CADM2: variants seen among roughly 807,000 people sequenced by gnomAD.
The protein encoded by CADM2 is immunoglobulin superfamily member 4D.
In CADM2, 12 loss-of-function variants were observed where a neutral mutation model predicts 49.8. That is an observed-to-expected ratio of 0.24 (90% CI 0.15 to 0.39). The LOEUF is 0.39. CADM2 is among the 10% of genes least tolerant of loss of function. The pLI is 1.00. For synonymous variants in CADM2, 214 were observed against 175.4 expected, an observed-to-expected ratio of 1.22 and a Z score of -1.74; for missense variants, 378 against 492.3, an observed-to-expected ratio of 0.77 and a Z score of 2.20.
chr3:86,030,573 T>A (rs1328503420), intron 8 of CADM2, among the ~76,000 whole-genome samples: 1 of 151,970 alleles, frequency 6.6e-6, no homozygotes, highest in Non-Finnish European at 1.5e-5. Context: ...GGTTTACTGA[T>A]TTTCAGATTT....
chr3:85,674,137 T>G (rs2065824629), intron 1 of CADM2, among the ~76,000 whole-genome samples: 1 of 152,048 alleles, frequency 6.6e-6, no homozygotes, highest in Admixed American at 6.6e-5. Flanking sequence ...TTTTAGTAGG[T>G]CTGACAGATA....
intron 1 of CADM2, among the ~76,000 whole-genome samples, chr3:85,657,763 T>TATATATATAGATACAG (rs2065256066): frequency 8.2e-6 from 1 of 122,240 alleles, no homozygotes; most frequent in Non-Finnish European, 1.8e-5. Flanking sequence ...TATACACAGA[T>TATATATATAGATACAG]ATATATATAT....
At chr3:85,061,788 A>G (rs1290730420) in intron 1 of CADM2, among the ~76,000 whole-genome samples, 2 of 152,130 alleles carry the variant, frequency 1.3e-5, no homozygotes, top group African/African-American at 4.8e-5. Flanking sequence ...CGGTATTGCA[A>G]TGTAGTCGAT....
At chr3:85,258,210 T>A (rs1040649316) in intron 1 of CADM2, among the ~76,000 whole-genome samples, 5 of 152,094 alleles carry the variant, frequency 3.3e-5, no homozygotes, top group African/African-American at 1.2e-4. Context: ...TGTCCCTGCA[T>A]AGAAAGTGTT....
At chr3:85,813,439 G>A in intron 3 of CADM2, among the ~76,000 whole-genome samples, 1 of 151,940 alleles carries the variant, frequency 6.6e-6, no homozygotes, top group Admixed American at 6.6e-5. Context: ...TTTAGATTCT[G>A]GATATTAGCC....
intron 2 of CADM2, among the ~76,000 whole-genome samples, chr3:85,801,463 T>C (rs2072031446): frequency 2.6e-5 from 4 of 152,276 alleles, no homozygotes; most frequent in Middle Eastern, 3.5e-3. Context: ...CTACACTTTT[T>C]AAAGAGTACT....
intron 1 of CADM2, among the ~76,000 whole-genome samples, chr3:85,575,137 A>G (rs2062593777): frequency 6.6e-6 from 1 of 152,222 alleles, no homozygotes; most frequent in Non-Finnish European, 1.5e-5. Flanking sequence ...ATTAGCTACC[A>G]TATCAATGAG....
chr3:85,629,401 A>G (rs1223063729), intron 1 of CADM2, among the ~76,000 whole-genome samples: 1 of 151,442 alleles, frequency 6.6e-6, no homozygotes, highest in Non-Finnish European at 1.5e-5. Context: ...GCATGCATGC[A>G]CACACACACA....
At chr3:85,337,172 A>G (rs922639435) in intron 1 of CADM2, among the ~76,000 whole-genome samples, 2 of 149,922 alleles carry the variant, frequency 1.3e-5, no homozygotes, top group Non-Finnish European at 3.0e-5. Flanking sequence ...TCCTTCTCCC[A>G]CAACACCTCT....
At chr3:85,268,083 A>G (rs753340458) in intron 1 of CADM2, among the ~76,000 whole-genome samples, 6 of 151,558 alleles carry the variant, frequency 4.0e-5, no homozygotes, top group Non-Finnish European at 7.4e-5. Context: ...ATTAAAATGT[A>G]TAATAAGGTG....
At chr3:85,906,148 A>G (rs893802215) in intron 5 of CADM2, among the ~76,000 whole-genome samples, 2 of 152,170 alleles carry the variant, frequency 1.3e-5, no homozygotes, top group African/African-American at 4.8e-5. Flanking sequence ...ATTTTCTGCC[A>G]TATGTTATTA....
intron 1 of CADM2, among the ~76,000 whole-genome samples, chr3:85,657,552 T>C (rs2065239354): frequency 6.6e-6 from 1 of 151,576 alleles, no homozygotes; most frequent in African/African-American, 2.4e-5. Flanking sequence ...TAATTGGCTT[T>C]ATTATGTGGA....
chr3:85,252,356 A>C (rs2042794799), intron 1 of CADM2, among the ~76,000 whole-genome samples: 1 of 151,952 alleles, frequency 6.6e-6, no homozygotes, highest in Non-Finnish European at 1.5e-5. Flanking sequence ...ACAATAAGAA[A>C]AAATGATGAA....
chr3:86,036,161 A>G (rs1735128774), intron 8 of CADM2, among the ~76,000 whole-genome samples: 1 of 152,146 alleles, frequency 6.6e-6, no homozygotes, highest in African/African-American at 2.4e-5. Context: ...AATCTGTGTC[A>G]TGACCTTAAA....
chr3:85,169,423 A>G (rs2040560441), intron 1 of CADM2, among the ~76,000 whole-genome samples: 1 of 152,208 alleles, frequency 6.6e-6, no homozygotes, highest in Non-Finnish European at 1.5e-5. Flanking sequence ...AGTAAATTAA[A>G]TGTATTATCT....
At chr3:85,874,061 T>C (rs1332849432) in intron 3 of CADM2, among the ~76,000 whole-genome samples, 1 of 152,092 alleles carries the variant, frequency 6.6e-6, no homozygotes, top group Non-Finnish European at 1.5e-5. Flanking sequence ...TTTATTCTTA[T>C]GCCTACGTTT....
At chr3:85,296,748 A>G (rs1247292912) in intron 1 of CADM2, among the ~76,000 whole-genome samples, 1 of 152,056 alleles carries the variant, frequency 6.6e-6, no homozygotes, top group African/African-American at 2.4e-5. Context: ...TGCTCTTTAA[A>G]AAATTACCAC....
At chr3:85,959,326 C>A (rs536519633) in intron 7 of CADM2, among the ~76,000 whole-genome samples, 1 of 151,800 alleles carries the variant, frequency 6.6e-6, no homozygotes, top group African/African-American at 2.4e-5. Context: ...CAAACCCTGC[C>A]CTTTTAGGTT....
At chr3:85,573,491 C>T (rs925985392) in intron 1 of CADM2, among the ~76,000 whole-genome samples, 14 of 151,976 alleles carry the variant, frequency 9.2e-5, no homozygotes, top group East Asian at 1.9e-4. Context: ...TGTGAGCCAC[C>T]GCTCCCAGCC....
Sources: allele counts gnomAD v4.1 joint callset (sites outside exome capture counted in the v4.1 genomes callset), GRCh38; gene constraint gnomAD v4.1.1; transcripts MANE v1.5; gene names NCBI Gene and HGNC (gene_info 2026-07-23, HGNC 2026-07-21).